LRTM2: variants seen among roughly 807,000 people sequenced by gnomAD.
The protein encoded by LRTM2 is leucine-rich repeat and transmembrane domain-containing protein 2.
In LRTM2, 18 loss-of-function variants were observed where a neutral mutation model predicts 28.1. The ratio of observed to expected loss-of-function variants is 0.64; its 90% CI spans 0.44 to 0.95. The LOEUF is 0.95. LRTM2 is among the 40% of genes least tolerant of loss of function. The pLI is 0.00. For synonymous variants in LRTM2, 250 were observed against 218.7 expected, an observed-to-expected ratio of 1.14 and a Z score of -1.26; for missense variants, 436 against 497.2, an observed-to-expected ratio of 0.88 and a Z score of 1.17.
Position 1,829,903 on chromosome 12 carries a change from A to G in LRTM2, c.68-1032A>G, listed in dbSNP as rs1047031521. ...TTCACGATGAGCAGGCTTCTCTGCTACTCAGGAGGACACTTAGGGGTTTTT... is the reference window on the plus strand; with the variant it reads ...TTCACGATGAGCAGGCTTCTCTGCTGCTCAGGAGGACACTTAGGGGTTTTT... On this transcript the variant is annotated intron_variant, in intron 3 of 4. Coordinates refer to ENST00000299194, the MANE Select transcript of LRTM2 (RefSeq NM_001039029.3). This position sits in a 1 kb window ranked among gnomAD's most constrained non-coding sequence, Gnocchi z 4.2. Among the ~76,000 whole-genome samples the G allele has an allele frequency of 1.3e-5, 2 of 152,022 alleles. No individual in the cohort carries two copies. Among genetic ancestry groups the G allele is most frequent in the African/African-American group, 4.8e-5 (2 of 41,408 alleles).
chr12:1,832,817 A>G (rs1252260300), intron 4 of LRTM2, among the ~76,000 whole-genome samples: 1 of 152,270 alleles, frequency 6.6e-6, no homozygotes, highest in Non-Finnish European at 1.5e-5. Flanking sequence ...TTTTACAGCT[A>G]AGAAAACTAA....
At chr12:1,823,717 C>T (rs556611520) in intron 1 of LRTM2, among the ~76,000 whole-genome samples, 33 of 152,310 alleles carry the variant, frequency 2.2e-4, no homozygotes, top group Middle Eastern at 3.4e-3. Flanking sequence ...AAGAGGAGAA[C>T]CTGTCTTGCT....
chr12:1,836,009 G>T lies in LRTM2; in HGVS notation c.*1288G>T, dbSNP rs1157102363. 6.6e-6 allele frequency: 1 copy of T among 152,264 alleles called. No homozygotes were observed. Among genetic ancestry groups the T allele is most frequent in the African/African-American group, 2.4e-5 (1 of 41,460 alleles). 9.4% of individuals were successfully genotyped at this position (152,264 alleles called of 1,614,324 possible). ...GTGGCTCCCCTGAGGCTCATTGCCT[G>T]CCAGCTTATTGCAGACAGAGCCCAG... On this transcript the variant is annotated 3_prime_UTR_variant, in exon 5 of 5. Transcript: ENST00000299194.
In LRTM2 at chr12:1,828,225, C is replaced by A; in HGVS notation, c.67+10C>A. 5 of 1,537,730 alleles carry A rather than the reference C, an allele frequency of 3.3e-6. No individual in the cohort carries two copies. The highest frequency in any genetic ancestry group is 4.4e-6 in the Non-Finnish European group (5 of 1,141,194). On this transcript the variant is annotated intron_variant, in intron 3 of 4. Transcript: ENST00000299194. This position sits in a 1 kb window ranked among gnomAD's most constrained non-coding sequence, Gnocchi z 4.2. The stretch of plus-strand genomic sequence containing the variant: ...TGGAGGCAAGTCTCCTGTGAGTACA[C>A]CCCTGGCCTCGGAGGGGGGTGCGGG...
At position 1,828,618 on chromosome 12, in the gene LRTM2, G is replaced by A. The variant is rs745796332; in HGVS notation, c.67+403G>A. On this transcript the variant is annotated intron_variant, in intron 3 of 4. Transcript: ENST00000299194. The surrounding 1 kb of genome is among the most constrained non-coding windows in gnomAD (Gnocchi z 4.2). ...GACTGCGGCGAGCCCTTTTGCTCCC[G>A]TGGGGAACTGCCCCCTTGGCTGGCC... is the stretch of plus-strand genomic sequence containing the variant. 3.6e-4 allele frequency among the ~76,000 whole-genome samples: 55 copies of A among 152,218 alleles called. No homozygotes were observed. The highest frequency in any genetic ancestry group is 3.2e-3 in the Middle Eastern group (1 of 316).
In LRTM2 at chr12:1,828,054, T is replaced by C; in HGVS notation, c.-73-22T>C. The C allele has an allele frequency of 8.1e-7, 1 of 1,240,018 alleles. No individual in the cohort carries two copies. The highest frequency in any genetic ancestry group is 1.1e-6 in the Non-Finnish European group (1 of 931,772). The allele number at this position is 1,240,018 out of a possible 1,614,324, so 76.8% of individuals were successfully genotyped here. A position where few individuals can be genotyped will look rare whatever the true frequency, so the allele number is the denominator to read the frequency against. ...ACGGGGCTCCCGCGCCTGCCTGTGCTCAGTGCTCCTCCCTCCCTCAGGACT... is the reference window on the plus strand; with the variant it reads ...ACGGGGCTCCCGCGCCTGCCTGTGCCCAGTGCTCCTCCCTCCCTCAGGACT... On this transcript the variant is annotated intron_variant, in intron 2 of 4. Coordinates refer to ENST00000299194, the MANE Select transcript of LRTM2 (RefSeq NM_001039029.3). This position sits in a 1 kb window ranked among gnomAD's most constrained non-coding sequence, Gnocchi z 4.2.
rs1291688238 is a variant in LRTM2, at chr12:1,834,388, T to A, written c.780T>A (p.Ala260=). 2.5e-6 allele frequency: 4 copies of A among 1,613,036 alleles called. No individual in the cohort carries two copies. The highest frequency in any genetic ancestry group is 1.7e-5 in the Admixed American group (1 of 59,996). Residue 260 remains alanine (A), a synonymous_variant, in exon 5 of 5, where the codon GCT becomes GCA. Transcript: ENST00000299194. This position sits in a 1 kb window ranked among gnomAD's most constrained non-coding sequence, Gnocchi z 7.6. ...CSQLEDENSS[A]GLDIPGPPCT... ...AGCTGGAGGACGAGAATAGCTCAGC[T>A]GGGCTGGATATTCCTGGGCCACCCT...
Position 1,831,537 on chromosome 12 carries a change from C to T in LRTM2, c.658+12C>T, listed in dbSNP as rs776427575. 2.1e-5 allele frequency: 33 copies of T among 1,604,454 alleles called. No homozygotes were observed. The highest frequency in any genetic ancestry group is 2.6e-5 in the Non-Finnish European group (31 of 1,174,108). ...GTTCTCCTACCGAGGTGAGCGCAGC[C>T]GGCCCTGCTGGGGCCCGAGGGATTG... On this transcript the variant is annotated intron_variant, in intron 4 of 4. Coordinates refer to ENST00000299194, the MANE Select transcript of LRTM2 (RefSeq NM_001039029.3).
At position 1,829,175 on chromosome 12, in the gene LRTM2, G is replaced by A. The variant is rs558577466; in HGVS notation, c.67+960G>A. On this transcript the variant is annotated intron_variant, in intron 3 of 4. Coordinates refer to ENST00000299194, the MANE Select transcript of LRTM2 (RefSeq NM_001039029.3). This position sits in a 1 kb window ranked among gnomAD's most constrained non-coding sequence, Gnocchi z 4.2. ...CTTGATCTCCAGGGAGGTGGGGGGC[G>A]CAGGGAGTCGCTCTTCCGCAGCGGC... is the stretch of plus-strand genomic sequence containing the variant. 1.6e-4 allele frequency among the ~76,000 whole-genome samples: 25 copies of A among 152,292 alleles called. No individual in the cohort carries two copies. The highest frequency in any genetic ancestry group is 3.4e-3 in the Middle Eastern group (1 of 294).
chr12:1,830,420 G>GA (rs2154447068), intron 3 of LRTM2, among the ~76,000 whole-genome samples: 1 of 152,342 alleles, frequency 6.6e-6, no homozygotes, highest in East Asian at 1.9e-4. Flanking sequence ...CAGAGTTGGG[G>GA]TGGGCCACAG....
chr12:1,835,677 C>T lies in LRTM2; in HGVS notation c.*956C>T, dbSNP rs1285343805. 1 of 152,804 alleles carries T rather than the reference C, an allele frequency of 6.5e-6. No homozygotes were observed. 9.5% of individuals were successfully genotyped at this position (152,804 alleles called of 1,614,324 possible). A position where few individuals can be genotyped will look rare whatever the true frequency, so the allele number is the denominator to read the frequency against. ...TGTCACCATGGTAACCCTCTCACAC[C>T]TCTCCTGCTGGGCTTTCCCGGGATA... On this transcript the variant is annotated 3_prime_UTR_variant, in exon 5 of 5. Coordinates refer to ENST00000299194, the MANE Select transcript of LRTM2 (RefSeq NM_001039029.3).
chr12:1,825,136 C>T (rs117756150), intron 1 of LRTM2, among the ~76,000 whole-genome samples: 3,817 of 152,314 alleles, frequency 0.025, 75 homozygotes, highest in Non-Finnish European at 0.035. Context: ...ACATCCCATT[C>T]GAGGCTGAAG....
rs1393316652 is a variant in LRTM2 at position 1,834,303 on chromosome 12, A to G, written c.695A>G (p.Lys232Arg). 4.4e-6 allele frequency: 7 copies of G among 1,602,988 alleles called. No homozygotes were observed. The highest frequency in any genetic ancestry group is 6.0e-6 in the Non-Finnish European group (7 of 1,173,648). Residue 232 changes from lysine to arginine, a missense_variant, in exon 5 of 5, where the codon AAG becomes AGG. Coordinates refer to ENST00000299194, the MANE Select transcript of LRTM2 (RefSeq NM_001039029.3). The surrounding 1 kb of genome is among the most constrained non-coding windows in gnomAD (Gnocchi z 7.6). ...RLDQLACTLP[K>R]ELRGKDMRMV... Reference sequence around the variant, plus strand: ...GACCAGCTTGCCTGCACCCTGCCCAAGGAGCTGAGGGGGAAGGACATGCGG... The same window carrying G: ...GACCAGCTTGCCTGCACCCTGCCCAGGGAGCTGAGGGGGAAGGACATGCGG...
chr12:1,829,256 G>A lies in LRTM2; in HGVS notation c.67+1041G>A, dbSNP rs1278238626. 1.3e-5 allele frequency among the ~76,000 whole-genome samples: 2 copies of A among 152,212 alleles called. No homozygotes were observed. Among genetic ancestry groups the A allele is most frequent in the South Asian group, 2.1e-4 (1 of 4,834 alleles). On this transcript the variant is annotated intron_variant, in intron 3 of 4. Coordinates refer to ENST00000299194, the MANE Select transcript of LRTM2 (RefSeq NM_001039029.3). This position sits in a 1 kb window ranked among gnomAD's most constrained non-coding sequence, Gnocchi z 4.2. ...GGAGGGGCGAGCGGCTTCTGGTGAT[G>A]CAGATCCTTTTGAGAGGGAGCTGAA...
chr12:1,830,879 A>G, intron 3 of LRTM2, 56 bp from the exon 4 acceptor site: 1 of 1,401,358 alleles, frequency 7.1e-7, no homozygotes, highest in Non-Finnish European at 9.7e-7. Context: ...GAAGAGAAGC[A>G]GGAGGTGGTG....
At position 1,836,124 on chromosome 12, in the gene LRTM2, A is replaced by G. The variant is rs1237402152; in HGVS notation, c.*1403A>G. On this transcript the variant is annotated 3_prime_UTR_variant, in exon 5 of 5. Transcript: ENST00000299194. ...TTGTCTGCTCAGTGTGGCTCCCTAG[A>G]GCACCCAGCCGGGGCCAAACCAGAG... 1.3e-5 allele frequency: 2 copies of G among 152,282 alleles called. No individual in the cohort carries two copies. Among genetic ancestry groups the G allele is most frequent in the African/African-American group, 4.8e-5 (2 of 41,448 alleles). 9.4% of individuals were successfully genotyped at this position (152,282 alleles called of 1,614,324 possible). A position where few individuals can be genotyped will look rare whatever the true frequency, so the allele number is the denominator to read the frequency against.
chr12:1,834,691 G>A lies in LRTM2; in HGVS notation c.1083G>A (p.Glu361=). 6.2e-7 allele frequency: 1 copy of A among 1,601,812 alleles called. No homozygotes were observed. The highest frequency in any genetic ancestry group is 8.5e-7 in the Non-Finnish European group (1 of 1,179,102). Residue 361 remains glutamate, a synonymous_variant, in exon 5 of 5, where the codon GAG becomes GAA. Transcript: ENST00000299194. The surrounding 1 kb of genome is among the most constrained non-coding windows in gnomAD (Gnocchi z 7.6). ...TGGGGGACCCCGAGGGCGAGCACGAGGACCAGAAGCAGATCTCTTCTGTGG... is the reference window on the plus strand; with the variant it reads ...TGGGGGACCCCGAGGGCGAGCACGAAGACCAGAAGCAGATCTCTTCTGTGG... ...PLMGDPEGEH[E]DQKQISSVA
In LRTM2 at chr12:1,834,927, C is replaced by A. The variant is rs539384056; in HGVS notation, c.*206C>A. 45 of 913,086 alleles carry A rather than the reference C, an allele frequency of 4.9e-5. 1 individual carries two copies. The South Asian group carries it at 7.7e-4, about 16-fold the overall frequency. 56.6% of individuals were successfully genotyped at this position (913,086 alleles called of 1,614,324 possible). On this transcript the variant is annotated 3_prime_UTR_variant, in exon 5 of 5. Transcript: ENST00000299194. This position sits in a 1 kb window ranked among gnomAD's most constrained non-coding sequence, Gnocchi z 7.6. ...ACCGTGCTGGGGGCTCCTGCTGATG[C>A]TCCTGTCTGGGCCAGTAAATCTTTG...
chr12:1,823,235 T>G (rs1026527852), intron 1 of LRTM2: 2 of 152,388 alleles, frequency 1.3e-5, no homozygotes, highest in African/African-American at 2.4e-5. Context: ...GGGATAGACA[T>G]GCGCAGAAGC....
Sources: gnomAD v4.1 joint callset for allele counts (sites outside exome capture counted in the v4.1 genomes callset) on GRCh38, gnomAD v4.1.1 for gene constraint, Gnocchi (gnomAD v3.1) non-coding constraint, MANE v1.5 for transcripts, NCBI Gene and HGNC (gene_info 2026-07-23, HGNC 2026-07-21) for gene names.